DMD: variants seen among roughly 807,000 people sequenced by gnomAD.
The protein encoded by DMD is dystrophin.
DMD carries 63 observed loss-of-function variants against 330.1 expected under a neutral mutation model. The ratio of observed to expected loss-of-function variants is 0.19; its 90% confidence interval spans 0.16 to 0.24. The LOEUF (loss-of-function observed/expected upper bound fraction) is 0.24, where lower values mean the gene tolerates loss of function less well. Ranked by LOEUF, DMD falls within the 10% of genes least tolerant of loss-of-function variation. DMD has a pLI of 1.00. For synonymous variants in DMD, 1,223 were observed against 959.8 expected (o/e 1.27, Z -5.07); for missense variants, 3,344 against 2,684.1 (o/e 1.25, Z -5.43).
intron 9 of DMD, among the ~76,000 whole-genome samples, chrX:32,691,859 A>G (rs977084987): frequency 9.0e-6 from 1 of 111,669 alleles, no homozygotes; most frequent in Non-Finnish European, 1.9e-5. Flanking sequence ...CATTAACAAC[A>G]TGGATGAACC....
chrX:31,733,457 T>C (rs1416212737), intron 51 of DMD, among the ~76,000 whole-genome samples: 2 of 111,552 alleles, frequency 1.8e-5, no homozygotes, highest in Non-Finnish European at 3.8e-5. Flanking sequence ...AAATCAACAA[T>C]CTACATAGCA....
intron 1 of DMD, among the ~76,000 whole-genome samples, chrX:33,187,401 A>G (rs2050311796): frequency 8.9e-6 from 1 of 112,844 alleles, no homozygotes; most frequent in Non-Finnish European, 1.9e-5. Context: ...AGTAATTTCT[A>G]TAACAGAATA....
At chrX:32,392,558 C>T (rs927174076) in intron 30 of DMD, among the ~76,000 whole-genome samples, 63 of 111,660 alleles carry the variant, frequency 5.6e-4, no homozygotes, top group African/African-American at 1.9e-3. Flanking sequence ...CCGTGCCCAG[C>T]CCGTAGATAG....
chrX:32,638,374 G>C (rs2146717445), intron 11 of DMD, among the ~76,000 whole-genome samples: 1 of 111,845 alleles, frequency 8.9e-6, no homozygotes, highest in East Asian at 2.8e-4. Context: ...TCTAAGTAGA[G>C]GTTTACAAAG....
chrX:32,458,157 T>C (rs1159747750), intron 25 of DMD, among the ~76,000 whole-genome samples: 1 of 110,622 alleles, frequency 9.0e-6, no homozygotes, highest in East Asian at 2.9e-4. Context: ...ACACAGGCAG[T>C]TTATGATGTG....
At chrX:32,051,748 C>T (rs1383514004) in intron 44 of DMD, among the ~76,000 whole-genome samples, 3 of 111,168 alleles carry the variant, frequency 2.7e-5, no homozygotes, top group East Asian at 2.8e-4. Context: ...CTCCTGTCAT[C>T]GACAGCCCTA....
At chrX:31,632,378 A>G (rs928750695) in intron 54 of DMD, among the ~76,000 whole-genome samples, 1 of 111,998 alleles carries the variant, frequency 8.9e-6, no homozygotes, top group Admixed American at 9.5e-5. Context: ...TTACAGAAAC[A>G]TATTGAGTAT....
At chrX:32,205,834 T>C (rs2097066070) in intron 44 of DMD, 1 of 259,529 alleles carries the variant, frequency 3.9e-6, no homozygotes, top group Admixed American at 5.3e-5. Flanking sequence ...GCTGTTCTCT[T>C]GAGCAGTGGT....
chrX:32,513,805 G>A (rs1014042339), intron 18 of DMD, among the ~76,000 whole-genome samples: 1 of 111,680 alleles, frequency 9.0e-6, no homozygotes, highest in African/African-American at 3.3e-5. Flanking sequence ...GGGAATGAAT[G>A]AGGATATCCA....
At chrX:31,486,560 G>C (rs762249714) in intron 57 of DMD, among the ~76,000 whole-genome samples, 76 of 111,798 alleles carry the variant, frequency 6.8e-4, no homozygotes, top group African/African-American at 2.2e-3. Flanking sequence ...ACACTCAGAA[G>C]TTCCATGGTT....
At chrX:32,375,524 T>C in intron 34 of DMD, among the ~76,000 whole-genome samples, 1 of 112,094 alleles carries the variant, frequency 8.9e-6, no homozygotes, top group Non-Finnish European at 1.9e-5. Flanking sequence ...TATGTTCTTA[T>C]ATGTGATTTT....
upstream of DMD, among the ~76,000 whole-genome samples, chrX:33,212,693 A>G (rs1472174708): frequency 9.0e-6 from 1 of 111,725 alleles, no homozygotes; most frequent in African/African-American, 3.2e-5. Context: ...TGTGTTTTAG[A>G]ATATTATTGT....
At chrX:32,553,772 A>T (rs2049857169) in intron 16 of DMD, among the ~76,000 whole-genome samples, 1 of 111,904 alleles carries the variant, frequency 8.9e-6, no homozygotes, top group African/African-American at 3.3e-5. Flanking sequence ...CTCATGTTGA[A>T]TTCTGTCTTC....
At chrX:31,375,836 T>C (rs2059856764) in intron 60 of DMD, among the ~76,000 whole-genome samples, 1 of 110,255 alleles carries the variant, frequency 9.1e-6, no homozygotes, top group Non-Finnish European at 1.9e-5. Flanking sequence ...AAAAAATGGT[T>C]AAAATGGTAA....
chrX:32,692,348 C>T (rs939921344), intron 9 of DMD, among the ~76,000 whole-genome samples: 1 of 111,743 alleles, frequency 8.9e-6, no homozygotes, highest in African/African-American at 3.3e-5. Flanking sequence ...TTTGTTCAGT[C>T]ACATCAGGAT....
At chrX:33,095,964 A>AT (rs35906927) in intron 1 of DMD, among the ~76,000 whole-genome samples, 24,274 of 51,584 alleles carry the variant, frequency 0.47, 7,756 homozygotes, top group Non-Finnish European at 0.55. Flanking sequence ...TTCTTCCAGA[A>AT]TTTTTTTTTT....
intron 2 of DMD, among the ~76,000 whole-genome samples, chrX:33,008,194 G>C (rs928493335): frequency 9.0e-6 from 1 of 111,357 alleles, no homozygotes; most frequent in African/African-American, 3.3e-5. Context: ...AGTGAAATTA[G>C]CTAAATTAGG....
intron 1 of DMD, among the ~76,000 whole-genome samples, chrX:33,148,173 T>C (rs1411990242): frequency 8.9e-6 from 1 of 112,265 alleles, no homozygotes; most frequent in African/African-American, 3.2e-5. Context: ...TTAGTGGGTG[T>C]GGAATAACCA....
chrX:31,779,685 T>TTGTGTGTG (rs34110475), intron 50 of DMD, among the ~76,000 whole-genome samples: 1,597 of 100,113 alleles, frequency 0.016, 15 homozygotes, highest in African/African-American at 0.039. Context: ...GATACACACA[T>TTGTGTGTG]TGTGTGTGTG....
Sources: gnomAD v4.1 joint callset for allele counts (sites outside exome capture counted in the v4.1 genomes callset) on GRCh38, gnomAD v4.1.1 for gene constraint, MANE v1.5 for transcripts, NCBI Gene and HGNC (gene_info 2026-07-23, HGNC 2026-07-21) for gene names.